The following TSEN2 variants were observed in gnomAD, a reference collection of about 807,000 sequenced individuals.
TSEN2 encodes the protein tRNA splicing endonuclease subunit 2.
In TSEN2, 54 loss-of-function variants were observed where a neutral mutation model predicts 59.2. The observed-to-expected ratio is 0.91, with a 90% CI of 0.73 to 1.14. TSEN2 has a LOEUF of 1.14. Among genes scored for constraint, TSEN2 ranks in the 50% most tolerant of loss-of-function variants. The probability of loss-of-function intolerance (pLI) is 0.00; values close to 1 mark genes in which losing one functional copy is unlikely to be tolerated. For synonymous variants in TSEN2, 195 were observed against 198.2 expected (o/e 0.98, Z 0.14); for missense variants, 636 against 576.2 (o/e 1.10, Z -1.06).
upstream of TSEN2, among the ~76,000 whole-genome samples, chr3:12,481,897 A>ATGTGTGTGTGTGTGTG (rs151178256): frequency 1.7e-4 from 25 of 150,114 alleles, no homozygotes; most frequent in Admixed American, 4.6e-4. Context: ...CAGTTGATAT[A>ATGTGTGTGTGTGTGTG]TGTGTGTGTG....
At chr3:12,502,689 G>GTTTTTTTTTTTGT (rs2054408096) in intron 4 of TSEN2, among the ~76,000 whole-genome samples, 1 of 105,844 alleles carries the variant, frequency 9.4e-6, no homozygotes, top group African/African-American at 3.2e-5. Context: ...TTTTTTTTTT[G>GTTTTTTTTTTTGT]TTTTTTTTTT....
chr3:12,480,526 T>TC (rs1456541448), upstream of TSEN2, among the ~76,000 whole-genome samples: 23 of 136,438 alleles, frequency 1.7e-4, no homozygotes, highest in African/African-American at 6.6e-4. Context: ...TTTTGTTTCT[T>TC]TGTTTTTTTT....
Position 12,529,743 on chromosome 3 carries a change from C to G in TSEN2, c.1137-19C>G, listed in dbSNP as rs761116817. 2.5e-6 allele frequency: 4 copies of G among 1,609,004 alleles called. No homozygotes were observed. The African/African-American group carries it at 4.0e-5, about 16-fold the overall frequency. On this transcript the variant is annotated intron_variant, in intron 9 of 11. Transcript: ENST00000284995. ...TTATTTCATGATTACTTTTAACATGCTTTTTCTGTATTTTCCAGTTATTCT... is the reference window on the plus strand; with the variant it reads ...TTATTTCATGATTACTTTTAACATGGTTTTTCTGTATTTTCCAGTTATTCT...
At chr3:12,489,216 AC>A (rs1313955823) in intron 1 of TSEN2, among the ~76,000 whole-genome samples, 10 of 152,124 alleles carry the variant, frequency 6.6e-5, no homozygotes, top group Non-Finnish European at 1.0e-4. Flanking sequence ...TATATAATCG[AC>A]CCTTAAATAA....
At chr3:12,505,592 C>T (rs914822723) in intron 6 of TSEN2, 10 of 245,880 alleles carry the variant, frequency 4.1e-5, no homozygotes, top group Non-Finnish European at 7.3e-5. Context: ...AGTTCGAGAC[C>T]AGCCTGGCCA....
At chr3:12,485,155 G>A (rs1245907606) in intron 1 of TSEN2, among the ~76,000 whole-genome samples, 1 of 152,210 alleles carries the variant, frequency 6.6e-6, no homozygotes, top group Non-Finnish European at 1.5e-5. Context: ...CAGGAGGTGC[G>A]CAGATGGAGC....
At chr3:12,485,951 AT>A (rs144927085) in intron 1 of TSEN2, among the ~76,000 whole-genome samples, 9,800 of 152,020 alleles carry the variant, frequency 0.064, 692 homozygotes, top group African/African-American at 0.17. Flanking sequence ...AAATTTAAAA[AT>A]ATATATATAT....
chr3:12,485,892 C>A (rs1171982364), intron 1 of TSEN2, among the ~76,000 whole-genome samples: 2 of 151,962 alleles, frequency 1.3e-5, no homozygotes, highest in African/African-American at 4.8e-5. Flanking sequence ...CTATCAGGTT[C>A]CGAATCTGTG....
chr3:12,530,376 A>G (rs761473592), intron 10 of TSEN2: 26 of 986,528 alleles, frequency 2.6e-5, no homozygotes, highest in Non-Finnish European at 3.1e-5. Context: ...GGCTAATCCA[A>G]GATCACACAG....
At chr3:12,482,051 A>C (rs1052431268), upstream of TSEN2, among the ~76,000 whole-genome samples, 8 of 152,224 alleles carry the variant, frequency 5.3e-5, no homozygotes, top group Admixed American at 3.9e-4. Flanking sequence ...AAAATACTCC[A>C]GCAAGGAGAT....
Position 12,503,779 on chromosome 3 carries a change from G to A in TSEN2, c.826G>A (p.Glu276Lys). The A allele has an allele frequency of 6.2e-7, 1 of 1,613,872 alleles. No individual in the cohort carries two copies. The highest frequency in any genetic ancestry group is 8.5e-7 in the Non-Finnish European group (1 of 1,179,980). ...GAGCGAGAGGGAGGCTGCCCCAAATGAGGAAGTAAGTAGAAGAAAATAAAT... is the reference window on the plus strand; with the variant it reads ...GAGCGAGAGGGAGGCTGCCCCAAATAAGGAAGTAAGTAGAAGAAAATAAAT... ...AMSEREAAPNEELVQRNRLIC... is the reference protein window; with the variant it reads ...AMSEREAAPNKELVQRNRLIC... The change falls in exon 5 of 12, where the codon GAG (glutamate) becomes AAG (lysine). Residue 276 changes from glutamate to lysine, a missense_variant. Transcript: ENST00000284995.
At chr3:12,519,251 C>T (rs1434844331) in intron 8 of TSEN2, 54 bp downstream of exon 8, 2 of 1,603,572 alleles carry the variant, frequency 1.2e-6, no homozygotes, top group African/African-American at 2.7e-5. Context: ...TCAGATTCAC[C>T]CTAGAATATC....
chr3:12,516,992 A>G (rs1341990949), intron 7 of TSEN2, among the ~76,000 whole-genome samples: 2 of 152,212 alleles, frequency 1.3e-5, no homozygotes, highest in Non-Finnish European at 2.9e-5. Flanking sequence ...ACTATGGTAA[A>G]AGCTATATTT....
chr3:12,520,029 G>A (rs555448255), intron 8 of TSEN2, among the ~76,000 whole-genome samples: 30 of 150,140 alleles, frequency 2.0e-4, no homozygotes, highest in Non-Finnish European at 3.0e-4. Flanking sequence ...ACGGAGTCTC[G>A]CCCTGTTGCC....
At chr3:12,480,528 G>GGTTTTTTTTTTTTTTTTTTTTTTTTT (rs1553565213), upstream of TSEN2, among the ~76,000 whole-genome samples, 16 of 91,754 alleles carry the variant, frequency 1.7e-4, 1 homozygote, top group African/African-American at 2.8e-4. Context: ...TTGTTTCTTT[G>GGTTTTTTTTTTTTTTTTTTTTTTTTT]TTTTTTTTTT....
intron 3 of TSEN2, 47 bp downstream of exon 3, chr3:12,492,264 C>T (rs769938745): frequency 1.1e-4 from 170 of 1,531,790 alleles, no homozygotes; most frequent in Admixed American, 1.7e-5. Flanking sequence ...TAATCATTTT[C>T]CTTTGTTTTT....
intron 6 of TSEN2, among the ~76,000 whole-genome samples, chr3:12,507,409 G>A (rs999408088): frequency 2.0e-5 from 3 of 152,164 alleles, no homozygotes; most frequent in African/African-American, 7.2e-5. Context: ...CTGTAAAGTG[G>A]GGGCTATGTA....
At chr3:12,520,296 C>A (rs565823688) in intron 8 of TSEN2, among the ~76,000 whole-genome samples, 1 of 152,076 alleles carries the variant, frequency 6.6e-6, no homozygotes, top group Non-Finnish European at 1.5e-5. Context: ...CCATGCCGGC[C>A]GTATTGTCTT....
intron 11 of TSEN2, among the ~76,000 whole-genome samples, chr3:12,532,191 C>T (rs1217627216): frequency 1.3e-5 from 2 of 152,210 alleles, no homozygotes; most frequent in Non-Finnish European, 2.9e-5. Flanking sequence ...CTTCTTTTCA[C>T]ACCACCCTGC....
Sources: gnomAD v4.1 joint callset for allele counts (sites outside exome capture counted in the v4.1 genomes callset) on GRCh38, gnomAD v4.1.1 for gene constraint, MANE v1.5 for transcripts, NCBI Gene and HGNC (gene_info 2026-07-23, HGNC 2026-07-21) for gene names.